Variants in MYO9A observed in about 807,000 individuals in gnomAD.
The protein encoded by MYO9A is unconventional myosin-IXa.
A neutral mutation model predicts 293.3 loss-of-function variants in MYO9A; 103 were observed. That is an observed-to-expected ratio of 0.35 (90% confidence interval 0.30 to 0.41). The LOEUF is 0.41. Among genes scored for constraint, MYO9A ranks in the 10% least tolerant of loss-of-function variants. The pLI is 1.00. For synonymous variants in MYO9A, 1,001 were observed against 1,035.7 expected, an observed-to-expected ratio of 0.97 and a Z score of 0.64; for missense variants, 2,685 against 3,033.0, an observed-to-expected ratio of 0.89 and a Z score of 2.69.
chr15:71,888,705 T>C (rs577224435), intron 26 of MYO9A: 3 of 152,362 alleles, frequency 2.0e-5, no homozygotes, highest in Non-Finnish European at 4.4e-5. Context: ...TTGTTTAAAA[T>C]GTGTCCCTCT....
intron 1 of MYO9A, among the ~76,000 whole-genome samples, chr15:72,050,951 C>A (rs1566986163): frequency 6.6e-6 from 1 of 152,214 alleles, no homozygotes; most frequent in Non-Finnish European, 1.5e-5. Flanking sequence ...AGTGTACTCA[C>A]ATAGTTATTT....
intron 27 of MYO9A, among the ~76,000 whole-genome samples, chr15:71,885,107 T>A (rs112933891): frequency 2.6e-5 from 4 of 152,232 alleles, no homozygotes; most frequent in African/African-American, 9.6e-5. Flanking sequence ...GGCAACACTT[T>A]TGAATTGCTT....
chr15:71,941,017 A>G (rs1322940573), intron 15 of MYO9A, among the ~76,000 whole-genome samples: 2 of 152,212 alleles, frequency 1.3e-5, no homozygotes, highest in Non-Finnish European at 2.9e-5. Context: ...TACCATTTTT[A>G]CATCAATTAT....
At chr15:72,087,083 G>A (rs2079761711) in intron 1 of MYO9A, among the ~76,000 whole-genome samples, 2 of 152,258 alleles carry the variant, frequency 1.3e-5, no homozygotes, top group Admixed American at 6.5e-5. Flanking sequence ...CTATTCTACT[G>A]CAGCTCTCTG....
At chr15:72,055,375 C>A (rs2078691064) in intron 1 of MYO9A, among the ~76,000 whole-genome samples, 1 of 152,122 alleles carries the variant, frequency 6.6e-6, no homozygotes, top group Admixed American at 6.6e-5. Flanking sequence ...AAAAATTCTA[C>A]AAGATAATGT....
chr15:71,874,359 T>TA (rs1194255392), intron 32 of MYO9A, among the ~76,000 whole-genome samples: 1 of 151,960 alleles, frequency 6.6e-6, no homozygotes, highest in African/African-American at 2.4e-5. Context: ...CAGAAGAAAG[T>TA]AAAGACGATA....
rs548023272 is a variant in MYO9A, at chr15:72,086,900, T to C, written c.-72+30780A>G. ...CTCCTGCCTCAGCCTCCCAAGTAGC[T>C]GGGGTTACAGGCATGCACCACACAC... On this transcript the variant is annotated intron_variant, in intron 1 of 41. Transcript: ENST00000356056. Among the ~76,000 whole-genome samples the C allele has an allele frequency of 3.9e-5, 6 of 152,240 alleles. No homozygotes were observed. The East Asian group carries it at 9.7e-4, about 25-fold the overall frequency.
chr15:72,108,533 TGA>T (rs909659998), intron 1 of MYO9A, among the ~76,000 whole-genome samples: 8 of 152,100 alleles, frequency 5.3e-5, no homozygotes, highest in African/African-American at 1.7e-4. Context: ...CTTCCTACAT[TGA>T]GAGACTAAAA....
chr15:71,860,325 C>T (rs745499946), intron 33 of MYO9A, among the ~76,000 whole-genome samples: 3 of 152,072 alleles, frequency 2.0e-5, no homozygotes, highest in Non-Finnish European at 2.9e-5. Flanking sequence ...GAACAGAGCT[C>T]TGAAGAACCA....
chr15:71,952,687 A>T (rs2059079340), intron 14 of MYO9A, among the ~76,000 whole-genome samples: 1 of 152,200 alleles, frequency 6.6e-6, no homozygotes, highest in Non-Finnish European at 1.5e-5. Context: ...TCACCTCTAG[A>T]GTTAGGGCAT....
rs1012331051 is a variant in MYO9A at position 71,898,147 on chromosome 15, C to T, written c.4356G>A (p.Gly1452=). The T allele has an allele frequency of 1.2e-6, 2 of 1,613,944 alleles. No individual in the cohort carries two copies. The highest frequency in any genetic ancestry group is 1.6e-4 in the Middle Eastern group (1 of 6,084). ...NKLLENEDTA[G]EALTLDINRE... is the part of the protein sequence containing the mutation. ...TGTTGATATCCAAAGTAAGAGCTTC[C>T]CCCGCTGTGTCTTCATTTTCCAATA... The change falls in exon 25 of 42, where the codon GGG becomes GGA. Residue 1452 remains glycine (G), a synonymous_variant. Coordinates refer to ENST00000356056, the MANE Select transcript of MYO9A (RefSeq NM_006901.4).
intron 35 of MYO9A, chr15:71,852,477 C>A (rs1167128422): frequency 9.7e-6 from 3 of 308,210 alleles, no homozygotes; most frequent in Non-Finnish European, 1.2e-5. Flanking sequence ...GATTCTCCTG[C>A]CTCAGCCTCC....
intron 1 of MYO9A, among the ~76,000 whole-genome samples, chr15:72,077,751 AAATATAT>A (rs1352103002): frequency 5.2e-4 from 14 of 26,742 alleles, no homozygotes; most frequent in African/African-American, 1.3e-3. Flanking sequence ...AAAAAAAAAA[AAATATAT>A]ATATATATAT....
intron 12 of MYO9A, among the ~76,000 whole-genome samples, chr15:71,972,939 T>C (rs190875839): frequency 4.8e-4 from 73 of 151,852 alleles, no homozygotes; most frequent in African/African-American, 1.5e-3. Context: ...TGCAAACTAA[T>C]AAGAAAAAAA....
In MYO9A at chr15:71,882,461, G is replaced by A. The variant is rs181123429; in HGVS notation, c.5398+1133C>T. ...ACTTCTCAAATGTGTTATGCTGCAC[G>A]CCCAGAAAGTTAAAATAAGAGCTAT... On this transcript the variant is annotated intron_variant, in intron 28 of 41. Transcript: ENST00000356056. Among the ~76,000 whole-genome samples the A allele has an allele frequency of 1.8e-4, 28 of 152,158 alleles. 1 individual carries two copies. The highest frequency in any genetic ancestry group is 3.3e-4 in the Admixed American group (5 of 15,278).
At chr15:72,082,157 AAT>A (rs2079565962) in intron 1 of MYO9A, among the ~76,000 whole-genome samples, 1 of 152,004 alleles carries the variant, frequency 6.6e-6, no homozygotes, top group Non-Finnish European at 1.5e-5. Flanking sequence ...TCTTCCTATG[AAT>A]GTGGAATGTT....
chr15:72,015,865 T>C (rs2077322301), intron 6 of MYO9A, among the ~76,000 whole-genome samples: 1 of 151,750 alleles, frequency 6.6e-6, no homozygotes, highest in South Asian at 2.1e-4. Context: ...TTTTTTGTAT[T>C]TTTTAGTAGA....
intron 27 of MYO9A, among the ~76,000 whole-genome samples, chr15:71,884,188 A>T (rs2056956336): frequency 6.6e-6 from 1 of 152,142 alleles, no homozygotes; most frequent in East Asian, 1.9e-4. Flanking sequence ...CTACCACTCT[A>T]AAAAACATTA....
intron 13 of MYO9A, among the ~76,000 whole-genome samples, chr15:71,964,038 C>T (rs2075810093): frequency 1.3e-5 from 2 of 152,030 alleles, no homozygotes; most frequent in Admixed American, 6.6e-5. Context: ...GGAATTTATC[C>T]ATTTTTTGTT....
Sources: allele counts gnomAD v4.1 joint callset (sites outside exome capture counted in the v4.1 genomes callset), GRCh38; gene constraint gnomAD v4.1.1; transcripts MANE v1.5; gene names NCBI Gene and HGNC (gene_info 2026-07-23, HGNC 2026-07-21).